Variants in PPA2 observed in about 807,000 individuals in gnomAD.
PPA2 encodes the protein inorganic pyrophosphatase 2, mitochondrial.
A neutral mutation model predicts 49.5 loss-of-function variants in PPA2; 48 were observed. The ratio of observed to expected loss-of-function variants is 0.97; its 90% confidence interval spans 0.77 to 1.23. The LOEUF (loss-of-function observed/expected upper bound fraction) is 1.23. PPA2 is among the 50% of genes most tolerant of loss of function. The pLI is 0.00. For missense variants in PPA2, 429 were observed against 410.1 expected (o/e 1.05, Z -0.40); for synonymous variants, 131 against 139.9 (o/e 0.94, Z 0.45).
At chr4:105,386,677 A>G (rs1272018346) in intron 9 of PPA2, 41 bp from the exon 10 acceptor site, 3 of 1,569,212 alleles carry the variant, frequency 1.9e-6, no homozygotes, top group African/African-American at 1.4e-5. Context: ...ACAGGATAAA[A>G]AGAAACAATT....
intron 9 of PPA2, among the ~76,000 whole-genome samples, chr4:105,391,871 G>C (rs1733935202): frequency 6.6e-6 from 1 of 151,550 alleles, no homozygotes; most frequent in South Asian, 2.1e-4. Flanking sequence ...GAGAATGATT[G>C]TTAATAAAAA....
At chr4:105,412,619 A>G (rs1052238348) in intron 7 of PPA2, among the ~76,000 whole-genome samples, 2 of 152,184 alleles carry the variant, frequency 1.3e-5, no homozygotes, top group African/African-American at 4.8e-5. Context: ...GAATCTACAA[A>G]GAACTTAAAT....
At chr4:105,455,304 A>G (rs192725512) in intron 2 of PPA2, among the ~76,000 whole-genome samples, 44 of 152,370 alleles carry the variant, frequency 2.9e-4, no homozygotes, top group African/African-American at 9.6e-4. Context: ...ACACAGGAAC[A>G]CATATACACA....
At chr4:105,432,000 T>C (rs1449191790) in intron 6 of PPA2, among the ~76,000 whole-genome samples, 2 of 152,192 alleles carry the variant, frequency 1.3e-5, no homozygotes, top group Non-Finnish European at 2.9e-5. Context: ...TGGGACTAGA[T>C]AGATACAGGT....
At chr4:105,420,001 T>A (rs981430027) in intron 7 of PPA2, among the ~76,000 whole-genome samples, 2 of 151,924 alleles carry the variant, frequency 1.3e-5, no homozygotes, top group Non-Finnish European at 2.9e-5. Context: ...GGATGGAGTC[T>A]CGCTCTTGTT....
At chr4:105,433,283 T>G (rs1446785924) in intron 6 of PPA2, among the ~76,000 whole-genome samples, 1 of 152,212 alleles carries the variant, frequency 6.6e-6, no homozygotes, top group Non-Finnish European at 1.5e-5. Flanking sequence ...ATGTAACCAT[T>G]GTTTACAGCA....
At chr4:105,473,660 C>T in intron 1 of PPA2, 1 of 771,074 alleles carries the variant, frequency 1.3e-6, no homozygotes, top group South Asian at 1.4e-5. Context: ...AGCCGGCAGC[C>T]CTGCGCCTCT....
At chr4:105,422,150 A>G (rs932292517) in intron 7 of PPA2, among the ~76,000 whole-genome samples, 1 of 152,206 alleles carries the variant, frequency 6.6e-6, no homozygotes, top group Non-Finnish European at 1.5e-5. Flanking sequence ...AACAATTTTC[A>G]TTTTCCCCAT....
At chr4:105,473,694 C>T in intron 1 of PPA2, 200 bp downstream of exon 1, 1 of 879,106 alleles carries the variant, frequency 1.1e-6, no homozygotes, top group Non-Finnish European at 1.9e-6. Context: ...GGGTCTTGAT[C>T]CGCCGCCTCC....
intron 9 of PPA2, among the ~76,000 whole-genome samples, 179 bp downstream of exon 9, chr4:105,396,070 A>G (rs1284144232): frequency 1.3e-5 from 2 of 152,180 alleles, no homozygotes; most frequent in African/African-American, 4.8e-5. Flanking sequence ...TCCTTGAGAA[A>G]AAAGATCACG....
chr4:105,467,086 G>A (rs1723336572), intron 1 of PPA2, among the ~76,000 whole-genome samples: 1 of 152,220 alleles, frequency 6.6e-6, no homozygotes, highest in East Asian at 1.9e-4. Context: ...TAGAGAAACA[G>A]TTAACAACTG....
At chr4:105,440,982 G>C (rs978126332) in intron 5 of PPA2, among the ~76,000 whole-genome samples, 2 of 152,122 alleles carry the variant, frequency 1.3e-5, no homozygotes, top group African/African-American at 4.8e-5. Flanking sequence ...ACAGGCCTTA[G>C]TTTTTACTAC....
chr4:105,405,821 G>C, intron 7 of PPA2: 3 of 469,790 alleles, frequency 6.4e-6, no homozygotes, highest in Non-Finnish European at 1.3e-5. Context: ...CAACATGTAG[G>C]GCTGCATCCA....
At chr4:105,389,643 T>C (rs1733825041) in intron 9 of PPA2, among the ~76,000 whole-genome samples, 1 of 151,750 alleles carries the variant, frequency 6.6e-6, no homozygotes, top group Non-Finnish European at 1.5e-5. Context: ...CATATAAAAA[T>C]AATAAAGTAT....
At chr4:105,473,620 T>C (rs1275265135) in intron 1 of PPA2, 2 of 685,402 alleles carry the variant, frequency 2.9e-6, no homozygotes, top group Non-Finnish European at 2.7e-6. Context: ...GGAGGGCGGC[T>C]GGCAGGGCAC....
intron 4 of PPA2, 48 bp from the exon 5 acceptor site, chr4:105,446,550 T>G (rs1722394587): frequency 1.3e-6 from 2 of 1,556,328 alleles, no homozygotes; most frequent in Non-Finnish European, 8.7e-7. Context: ...AAGAAATAAT[T>G]AATTCTATGT....
intron 5 of PPA2, among the ~76,000 whole-genome samples, chr4:105,438,714 C>A (rs558722049): frequency 1.3e-5 from 2 of 152,158 alleles, no homozygotes; most frequent in South Asian, 2.1e-4. Context: ...GATTAAAGAT[C>A]CCTTAGGCAC....
chr4:105,398,401 A>G (rs1478319075), intron 8 of PPA2: 1 of 152,196 alleles, frequency 6.6e-6, no homozygotes, highest in East Asian at 1.9e-4. Context: ...TTTCATTAAC[A>G]TGCCTTATTT....
At chr4:105,394,042 T>C (rs577654101) in intron 9 of PPA2, among the ~76,000 whole-genome samples, 1 of 152,132 alleles carries the variant, frequency 6.6e-6, no homozygotes, top group East Asian at 1.9e-4. Context: ...ATAAAAAATG[T>C]AGAGGAGGTA....
Sources: gnomAD v4.1 joint callset for allele counts (sites outside exome capture counted in the v4.1 genomes callset) on GRCh38, gnomAD v4.1.1 for gene constraint, MANE v1.5 for transcripts, NCBI Gene and HGNC (gene_info 2026-07-23, HGNC 2026-07-21) for gene names.